ACAD11: variants seen among roughly 807,000 people sequenced by gnomAD.
ACAD11 encodes acyl-Coenzyme A dehydrogenase family, member 11.
A neutral mutation model predicts 102.2 loss-of-function variants in ACAD11; 83 were observed. That is an observed-to-expected ratio of 0.81 (90% CI 0.68 to 0.97). The LOEUF is 0.97. ACAD11 is among the 50% of genes least tolerant of loss of function. The probability of loss-of-function intolerance (pLI) is 0.00; values close to 1 mark genes in which losing one functional copy is unlikely to be tolerated. For synonymous variants in ACAD11, 324 were observed against 319.8 expected, an observed-to-expected ratio of 1.01 and a Z score of -0.14; for missense variants, 901 against 951.7, an observed-to-expected ratio of 0.95 and a Z score of 0.70.
Position 132,659,671 on chromosome 3 carries a change from G to C in ACAD11, c.81C>G (p.Ala27=). 4 of 1,611,488 alleles carry C rather than the reference G, an allele frequency of 2.5e-6. No individual in the cohort carries two copies. The highest frequency in any genetic ancestry group is 1.1e-5 in the South Asian group (1 of 90,610). Reference sequence around the variant, plus strand: ...AGCCAGACAAGTGCTGGTTTAGGTAGGCCTCCAGGGACTTGCTGTCGAACT... The same window carrying C: ...AGCCAGACAAGTGCTGGTTTAGGTACGCCTCCAGGGACTTGCTGTCGAACT... ...QHKFDSKSLE[A]YLNQHLSGFG... Residue 27 remains alanine, a synonymous_variant, in exon 1 of 20, where the codon GCC becomes GCG. Transcript: ENST00000264990.
chr3:132,621,978 CAAA>C (rs546732705), intron 9 of ACAD11, among the ~76,000 whole-genome samples: 2 of 79,982 alleles, frequency 2.5e-5, no homozygotes, highest in Non-Finnish European at 3.0e-5. Flanking sequence ...GACTCTGTCT[CAAA>C]AAAAAAAAAA....
intron 13 of ACAD11, among the ~76,000 whole-genome samples, chr3:132,597,764 C>T (rs900664004): frequency 6.6e-6 from 1 of 151,934 alleles, no homozygotes; most frequent in African/African-American, 2.4e-5. Context: ...AAATTCCCTT[C>T]CTTAATATAT....
At chr3:132,599,985 T>C (rs1011769941) in intron 13 of ACAD11, among the ~76,000 whole-genome samples, 6 of 152,218 alleles carry the variant, frequency 3.9e-5, no homozygotes, top group African/African-American at 1.4e-4. Flanking sequence ...GATATACTTT[T>C]ACGATTCACA....
rs114008418 is a variant in ACAD11, at chr3:132,640,635, A to G, written c.538-979T>C. Among the ~76,000 whole-genome samples, 1,134 of 152,276 alleles carry G rather than the reference A, an allele frequency of 7.4e-3. 24 individuals are homozygous for G. The highest frequency in any genetic ancestry group is 0.026 in the African/African-American group (1,064 of 41,536). ...TACTTGGTCTTATCTAGTCATATCA[A>G]CCTGGGTTTAAATTATATCTAAGCC... On this transcript the variant is annotated intron_variant, in intron 4 of 19. Transcript: ENST00000264990.
rs376946893 is a variant in ACAD11, at chr3:132,629,936, C to A, written c.963+501G>T. ...CTCTATTATCTTTCAAAATTAATCA[C>A]ACAAATATGACGATGAAAATAAAAA... On this transcript the variant is annotated intron_variant, in intron 7 of 19. Transcript: ENST00000264990. Among the ~76,000 whole-genome samples, 8 of 151,970 alleles carry A rather than the reference C, an allele frequency of 5.3e-5. No individual in the cohort carries two copies. The South Asian group carries it at 8.3e-4, about 16-fold the overall frequency.
Position 132,561,154 on chromosome 3 carries a change from G to C in ACAD11, c.2065C>G (p.Leu689Val), listed in dbSNP as rs1049425978. Reference protein sequence around the residue: ...IAIEKIRLLTLKAAHSMDTLG... With the variant: ...IAIEKIRLLTVKAAHSMDTLG... ...GTGTCCATGCTGTGAGCAGCTTTCA[G>C]AGTCAACAAGCGGATCTTCTCAATG... The change falls in exon 18 of 20, where the codon CTG becomes GTG. Residue 689 changes from leucine (L) to valine (V), a missense_variant. Coordinates refer to ENST00000264990, the MANE Select transcript of ACAD11 (RefSeq NM_032169.5). The C allele has an allele frequency of 3.7e-6, 6 of 1,613,512 alleles. No homozygotes were observed. The highest frequency in any genetic ancestry group is 4.5e-5 in the East Asian group (2 of 44,872).
intron 1 of ACAD11, among the ~76,000 whole-genome samples, chr3:132,647,695 G>A (rs6763867): frequency 0.038 from 5,757 of 152,278 alleles, 362 homozygotes; most frequent in African/African-American, 0.13. Flanking sequence ...CAGGAAATGG[G>A]TGAGTATGGG....
chr3:132,649,187 C>T (rs1940836072), intron 1 of ACAD11, among the ~76,000 whole-genome samples: 1 of 152,210 alleles, frequency 6.6e-6, no homozygotes, highest in African/African-American at 2.4e-5. Context: ...ATGGGAAAGA[C>T]CTGACCGTCC....
At chr3:132,563,168 C>A (rs988415477) in intron 17 of ACAD11, among the ~76,000 whole-genome samples, 1 of 152,212 alleles carries the variant, frequency 6.6e-6, no homozygotes, top group African/African-American at 2.4e-5. Context: ...ACTCTCTCTT[C>A]TGCTCCAAAG....
At chr3:132,602,263 T>A (rs1175625258) in intron 13 of ACAD11, 1 of 166,960 alleles carries the variant, frequency 6.0e-6, no homozygotes, top group African/African-American at 2.4e-5. Context: ...CCTAAAGACA[T>A]AATTTGCTTC....
At chr3:132,651,930 C>G (rs1940945053) in intron 1 of ACAD11, among the ~76,000 whole-genome samples, 1 of 152,160 alleles carries the variant, frequency 6.6e-6, no homozygotes, top group African/African-American at 2.4e-5. Flanking sequence ...CTTACCTTGT[C>G]TCAGATGAGA....
At chr3:132,610,237 G>A (rs1405513663) in intron 11 of ACAD11, among the ~76,000 whole-genome samples, 1 of 151,914 alleles carries the variant, frequency 6.6e-6, no homozygotes, top group Non-Finnish European at 1.5e-5. Flanking sequence ...GTATGTAGAG[G>A]GAAATTTATA....
At chr3:132,600,292 C>G (rs1938510482) in intron 13 of ACAD11, 2 of 1,035,346 alleles carry the variant, frequency 1.9e-6, no homozygotes, top group Non-Finnish European at 2.8e-6. Context: ...CAGCAACAGG[C>G]TATACTCTAG....
rs144309736 is a variant in ACAD11, at chr3:132,613,877, C to T, written c.1414+4757G>A. Among the ~76,000 whole-genome samples, 137 of 151,960 alleles carry T rather than the reference C, an allele frequency of 9.0e-4. 3 individuals carry two copies. In the South Asian group the frequency reaches 0.014, roughly 15 times the overall value. ...TTGCACCACTGCTCTCCAGCTTGGG[C>T]GAGACGAGTGAGACTCCATCTCAAA... On this transcript the variant is annotated intron_variant, in intron 11 of 19. Coordinates refer to ENST00000264990, the MANE Select transcript of ACAD11 (RefSeq NM_032169.5).
At chr3:132,646,765 C>T (rs1940732989) in intron 1 of ACAD11, among the ~76,000 whole-genome samples, 1 of 152,060 alleles carries the variant, frequency 6.6e-6, no homozygotes, top group Non-Finnish European at 1.5e-5. Context: ...TGGCAATATA[C>T]AGGAATAAAA....
intron 9 of ACAD11, among the ~76,000 whole-genome samples, 191 bp downstream of exon 9, chr3:132,626,500 T>G (rs1249455780): frequency 6.6e-6 from 1 of 152,210 alleles, no homozygotes; most frequent in Non-Finnish European, 1.5e-5. Context: ...CTCTTTGGCT[T>G]AATTTTAATG....
chr3:132,560,796 A>G lies in ACAD11; in HGVS notation c.2118+305T>C, dbSNP rs12054447. 4.6e-4 allele frequency among the ~76,000 whole-genome samples: 70 copies of G among 152,198 alleles called. No individual in the cohort carries two copies. In the East Asian group the frequency reaches 0.013, roughly 29 times the overall value. On this transcript the variant is annotated intron_variant, in intron 18 of 19. Coordinates refer to ENST00000264990, the MANE Select transcript of ACAD11 (RefSeq NM_032169.5). ...AGTTAAGTACTTTGCCCGTGATCACAAGGCTAGAAGAAAGTGGCAGAGTGG... is the reference window on the plus strand; with the variant it reads ...AGTTAAGTACTTTGCCCGTGATCACGAGGCTAGAAGAAAGTGGCAGAGTGG...
chr3:132,588,391 A>G (rs942194049), intron 13 of ACAD11, among the ~76,000 whole-genome samples: 7 of 152,174 alleles, frequency 4.6e-5, no homozygotes, highest in Non-Finnish European at 7.3e-5. Context: ...ACATTCATTA[A>G]TATTTGAATA....
At chr3:132,627,496 C>A (rs543501879) in intron 8 of ACAD11, among the ~76,000 whole-genome samples, 2 of 152,276 alleles carry the variant, frequency 1.3e-5, no homozygotes, top group African/African-American at 4.8e-5. Flanking sequence ...AATCATTATT[C>A]TTACTATTAA....
Sources: allele counts gnomAD v4.1 joint callset (sites outside exome capture counted in the v4.1 genomes callset), GRCh38; gene constraint gnomAD v4.1.1; transcripts MANE v1.5; gene names NCBI Gene and HGNC (gene_info 2026-07-23, HGNC 2026-07-21).